The following RBFOX1 variants were observed in gnomAD, a reference collection of about 807,000 sequenced individuals.
The protein encoded by RBFOX1 is RNA binding fox-1 homolog 1.
Under a neutral mutation model 57.7 loss-of-function variants are expected in RBFOX1, and 8 were observed. That is an observed-to-expected ratio of 0.14 (90% confidence interval 0.08 to 0.25). The LOEUF (loss-of-function observed/expected upper bound fraction) is 0.25, where lower values mean the gene tolerates loss of function less well. Ranked by LOEUF, RBFOX1 falls within the 10% of genes least tolerant of loss-of-function variation. RBFOX1 has a pLI of 1.00. For missense variants in RBFOX1, 611 were observed against 548.5 expected (o/e 1.11, Z -1.14); for synonymous variants, 326 against 222.4 (o/e 1.47, Z -4.15).
chr16:7,188,346 C>T (rs532700934), intron 4 of RBFOX1, among the ~76,000 whole-genome samples: 2 of 152,174 alleles, frequency 1.3e-5, no homozygotes, highest in Non-Finnish European at 2.9e-5. Context: ...CTAAGTCCTG[C>T]ATTAGAATGT....
intron 3 of RBFOX1, among the ~76,000 whole-genome samples, chr16:6,781,906 C>G (rs1172269834): frequency 6.6e-6 from 1 of 152,084 alleles, no homozygotes; most frequent in African/African-American, 2.4e-5. Context: ...TATTTCTGCT[C>G]TGATCTTTAG....
intron 3 of RBFOX1, among the ~76,000 whole-genome samples, chr16:7,030,277 A>G (rs1182936698): frequency 6.6e-6 from 1 of 152,178 alleles, no homozygotes; most frequent in Non-Finnish European, 1.5e-5. Context: ...TAATGGAGTC[A>G]GGACTTTCAT....
In RBFOX1 at chr16:7,302,082, G is replaced by T. The variant is rs1052695545; in HGVS notation, c.28-216065G>T. 2.6e-5 allele frequency among the ~76,000 whole-genome samples: 4 copies of T among 152,120 alleles called. No individual in the cohort carries two copies. In the South Asian group the frequency reaches 6.2e-4, roughly 24 times the overall value. ...CCAATAAAAGCAGTACAGAATAGCA[G>T]CCTCTACTTTCCCACTCCCCTGGAT... is the stretch of plus-strand genomic sequence containing the variant. On this transcript the variant is annotated intron_variant, in intron 4 of 15. Coordinates refer to ENST00000550418, the MANE Select transcript of RBFOX1 (RefSeq NM_018723.4).
chr16:5,700,123 T>A (rs898183459), intron 3 of RBFOX1, among the ~76,000 whole-genome samples: 1 of 152,186 alleles, frequency 6.6e-6, no homozygotes, highest in East Asian at 1.9e-4. Flanking sequence ...TGAGCCACCA[T>A]GCCTGGCCAG....
intron 4 of RBFOX1, among the ~76,000 whole-genome samples, chr16:5,998,458 A>G (rs1022353425): frequency 6.6e-6 from 1 of 152,246 alleles, no homozygotes; most frequent in Non-Finnish European, 1.5e-5. Flanking sequence ...TTCTATCTTG[A>G]GTGTTTAGAA....
At chr16:5,807,929 A>G (rs1238942626) in intron 3 of RBFOX1, among the ~76,000 whole-genome samples, 3 of 152,154 alleles carry the variant, frequency 2.0e-5, no homozygotes, top group African/African-American at 7.2e-5. Flanking sequence ...CAGAACCACC[A>G]TAAACCTTGT....
intron 3 of RBFOX1, among the ~76,000 whole-genome samples, chr16:6,998,014 G>A (rs1192103625): frequency 6.6e-6 from 1 of 151,960 alleles, no homozygotes; most frequent in Non-Finnish European, 1.5e-5. Flanking sequence ...AAAATTGAAG[G>A]TAAATGCCGT....
intron 3 of RBFOX1, among the ~76,000 whole-genome samples, chr16:6,774,987 A>G (rs1372360142): frequency 6.6e-6 from 1 of 152,076 alleles, no homozygotes; most frequent in South Asian, 2.1e-4. Flanking sequence ...ATGAATATGT[A>G]TCTTTATTAA....
chr16:6,758,019 C>G lies in RBFOX1; in HGVS notation c.-16+103369C>G, dbSNP rs570718437. ...AGACCCTGTCCTCTATTACATTGAA[C>G]TGTCACACTTTTAAGAAGTCAGTCC... is the stretch of plus-strand genomic sequence containing the variant. On this transcript the variant is annotated intron_variant, in intron 3 of 15. Transcript: ENST00000550418. Among the ~76,000 whole-genome samples, 7 of 152,216 alleles carry G rather than the reference C, an allele frequency of 4.6e-5. 1 individual carries two copies. In the South Asian group the frequency reaches 1.5e-3, roughly 32 times the overall value.
At chr16:5,402,505 A>T (rs568800971) in intron 1 of RBFOX1, among the ~76,000 whole-genome samples, 2 of 152,194 alleles carry the variant, frequency 1.3e-5, no homozygotes, top group African/African-American at 4.8e-5. Context: ...GCCAGAAACA[A>T]TGGAGGCTAC....
chr16:6,266,724 A>AG (rs1555593094), intron 1 of RBFOX1, among the ~76,000 whole-genome samples: 5 of 151,708 alleles, frequency 3.3e-5, no homozygotes, highest in African/African-American at 7.3e-5. Context: ...AAAAAAAAAA[A>AG]AAGAAGAAGA....
intron 1 of RBFOX1, among the ~76,000 whole-genome samples, chr16:6,140,173 T>C (rs551652335): frequency 5.2e-4 from 79 of 151,168 alleles, no homozygotes; most frequent in South Asian, 1.3e-3. Flanking sequence ...AGGTTTTTTT[T>C]CCACTGGAAA....
chr16:6,731,522 C>T (rs1251476699), intron 3 of RBFOX1, among the ~76,000 whole-genome samples: 1 of 152,072 alleles, frequency 6.6e-6, no homozygotes, highest in Non-Finnish European at 1.5e-5. Flanking sequence ...GAGTATTTCT[C>T]AGGATTATGG....
At chr16:6,707,422 TC>T (rs1190759956) in intron 3 of RBFOX1, among the ~76,000 whole-genome samples, 4 of 151,854 alleles carry the variant, frequency 2.6e-5, no homozygotes, top group Non-Finnish European at 4.4e-5. Flanking sequence ...ACAATTGTCT[TC>T]CTTAAACTAC....
At chr16:7,183,552 G>A (rs989810185) in intron 4 of RBFOX1, among the ~76,000 whole-genome samples, 3 of 152,218 alleles carry the variant, frequency 2.0e-5, no homozygotes, top group Admixed American at 1.3e-4. Context: ...CTGAATAAAT[G>A]TGTGTGCTTA....
chr16:6,829,448 G>C (rs1210212108), intron 3 of RBFOX1, among the ~76,000 whole-genome samples: 6 of 147,060 alleles, frequency 4.1e-5, no homozygotes, highest in Non-Finnish European at 3.0e-5. Flanking sequence ...TAAGTTTTGG[G>C]TCTGTCCATG....
At chr16:7,669,718 G>T (rs545640189) in intron 13 of RBFOX1, among the ~76,000 whole-genome samples, 16 of 152,268 alleles carry the variant, frequency 1.1e-4, no homozygotes, top group Admixed American at 6.5e-4. Flanking sequence ...TCATTTCACT[G>T]ATGTTTAAAC....
At chr16:6,358,739 G>A (rs2087849102) in intron 2 of RBFOX1, among the ~76,000 whole-genome samples, 2 of 152,122 alleles carry the variant, frequency 1.3e-5, no homozygotes, top group Non-Finnish European at 2.9e-5. Context: ...TTTGGAACAG[G>A]GTTTACAGAG....
intron 1 of RBFOX1, among the ~76,000 whole-genome samples, chr16:6,186,463 T>G (rs184433113): frequency 2.9e-4 from 44 of 152,190 alleles, no homozygotes; most frequent in African/African-American, 1.0e-3. Flanking sequence ...GATACTTGCT[T>G]GGTTAGAGAG....
Sources: gnomAD v4.1 joint callset for allele counts (sites outside exome capture counted in the v4.1 genomes callset) on GRCh38, gnomAD v4.1.1 for gene constraint, MANE v1.5 for transcripts, NCBI Gene and HGNC (gene_info 2026-07-23, HGNC 2026-07-21) for gene names.